The following SMC6 variants were observed in gnomAD, a reference collection of about 807,000 sequenced individuals.
SMC6 encodes the protein structural maintenance of chromosomes protein 6.
In SMC6, 79 loss-of-function variants were observed where a neutral mutation model predicts 142.2. That is an observed-to-expected ratio of 0.56 (90% CI 0.46 to 0.67). SMC6 has a LOEUF of 0.67. Among genes scored for constraint, SMC6 ranks in the 30% least tolerant of loss-of-function variants. The pLI is 0.00. For synonymous variants in SMC6, 411 were observed against 412.4 expected, an observed-to-expected ratio of 1.00 and a Z score of 0.04; for missense variants, 1,072 against 1,284.0, an observed-to-expected ratio of 0.83 and a Z score of 2.52.
At chr2:17,735,124 A>T (rs1015411545) in intron 5 of SMC6, among the ~76,000 whole-genome samples, 1 of 152,310 alleles carries the variant, frequency 6.6e-6, no homozygotes, top group Non-Finnish European at 1.5e-5. Context: ...ACAAACAAAA[A>T]AAAAACCACT....
chr2:17,703,195 G>A lies in SMC6; in HGVS notation c.2104C>T (p.Leu702Phe). The change falls in exon 19 of 28, where the codon CTT becomes TTT. Residue 702 changes from leucine to phenylalanine, a missense_variant. By Grantham distance (22) the Leu-to-Phe change is conservative (BLOSUM62 0). Transcript: ENST00000448223. ...LEKDIKHNEE[L>F]LKRCQLHYKE... is the part of the protein sequence containing the mutation. ...TAATGTAGTTGGCACCTTTTAAGAA[G>A]TTCCTCATTGTGTTTAATATCTTTT... 6.5e-7 allele frequency: 1 copy of A among 1,540,792 alleles called. No homozygotes were observed. Among genetic ancestry groups the A allele is most frequent in the Non-Finnish European group, 8.9e-7 (1 of 1,122,344 alleles).
intron 25 of SMC6, among the ~76,000 whole-genome samples, chr2:17,676,926 A>G (rs138941215): frequency 1.7e-3 from 260 of 152,264 alleles, no homozygotes; most frequent in African/African-American, 4.4e-3. Flanking sequence ...GACTTCAACT[A>G]GTTCTAGTAG....
intron 24 of SMC6, 107 bp downstream of exon 24, chr2:17,683,531 C>T: frequency 9.7e-7 from 1 of 1,035,044 alleles, no homozygotes; most frequent in Non-Finnish European, 1.4e-6. Context: ...AACTGAATAA[C>T]AAAGCAAGCA....
At chr2:17,682,883 CT>C (rs11300528) in intron 24 of SMC6, among the ~76,000 whole-genome samples, 71,129 of 147,826 alleles carry the variant, frequency 0.48, 18,470 homozygotes, top group African/African-American at 0.67. Context: ...AGCTAGGTAC[CT>C]TTTTTTTTTT....
At chr2:17,719,608 G>T (rs1669271647) in intron 11 of SMC6, among the ~76,000 whole-genome samples, 1 of 152,150 alleles carries the variant, frequency 6.6e-6, no homozygotes, top group Admixed American at 6.6e-5. Context: ...GCTTGAGGAG[G>T]AAAGTATTTA....
rs555795348 is a variant in SMC6 at position 17,717,721 on chromosome 2, C to T, written c.1092+356G>A. On this transcript the variant is annotated intron_variant, in intron 12 of 27. Transcript: ENST00000448223. ...AAGAGGCTGGGTGCAGAGGTTCACA[C>T]ATGTAATCCCAGCACTTTGGGAGGC... 3.4e-4 allele frequency among the ~76,000 whole-genome samples: 51 copies of T among 151,670 alleles called. 1 individual carries two copies. The South Asian group carries it at 8.9e-3, about 27-fold the overall frequency.
chr2:17,730,979 C>T lies in SMC6; in HGVS notation c.543+99G>A, dbSNP rs1158975406. On this transcript the variant is annotated intron_variant, in intron 7 of 27. Coordinates refer to ENST00000448223, the MANE Select transcript of SMC6 (RefSeq NM_001142286.2). ...ACATATGCTTCCTGTGGTCAGTTTACTCATATGAGGCCATTTAAATTTTTT... is the reference window on the plus strand; with the variant it reads ...ACATATGCTTCCTGTGGTCAGTTTATTCATATGAGGCCATTTAAATTTTTT... The T allele has an allele frequency of 9.4e-6, 8 of 846,666 alleles. No homozygotes were observed. In the East Asian group the frequency reaches 2.0e-4, roughly 21 times the overall value. The allele number at this position is 846,666 out of a possible 1,614,324, so 52.4% of individuals were successfully genotyped here. A position where few individuals can be genotyped will look rare whatever the true frequency, so the allele number is the denominator to read the frequency against.
intron 16 of SMC6, chr2:17,713,358 G>C: frequency 2.5e-6 from 1 of 392,910 alleles, no homozygotes; most frequent in Non-Finnish European, 5.2e-6. Flanking sequence ...AACTCCTGAG[G>C]CCCTTGTTCT....
intron 17 of SMC6, 74 bp from the exon 18 acceptor site, chr2:17,707,453 T>C: frequency 1.2e-6 from 1 of 867,948 alleles, no homozygotes; most frequent in African/African-American, 1.8e-5. Context: ...TTCAAAATGT[T>C]ACTCGTCCTT....
At chr2:17,692,657 T>C (rs906638887) in intron 23 of SMC6, among the ~76,000 whole-genome samples, 1 of 152,212 alleles carries the variant, frequency 6.6e-6, no homozygotes, top group Non-Finnish European at 1.5e-5. Context: ...AAGGACTTCA[T>C]GTCTAAAACA....
intron 7 of SMC6, among the ~76,000 whole-genome samples, chr2:17,727,961 G>A (rs1324848583): frequency 6.6e-6 from 1 of 152,074 alleles, no homozygotes; most frequent in Admixed American, 6.6e-5. Flanking sequence ...AGCCCCCCCA[G>A]CTCTTCATTT....
At chr2:17,688,215 G>C (rs1667546999) in intron 23 of SMC6, among the ~76,000 whole-genome samples, 1 of 151,772 alleles carries the variant, frequency 6.6e-6, no homozygotes, top group Non-Finnish European at 1.5e-5. Context: ...CTTAAAAAAA[G>C]GAACCAGGGC....
chr2:17,687,661 G>A (rs1202033908), intron 23 of SMC6, among the ~76,000 whole-genome samples: 1 of 152,176 alleles, frequency 6.6e-6, no homozygotes, highest in African/African-American at 2.4e-5. Flanking sequence ...TGGTGTGGAA[G>A]GGATGAAAGA....
In SMC6 at chr2:17,714,963, C is replaced by T. The variant is rs1669006968; in HGVS notation, c.1628G>A (p.Arg543Lys). ...AYCCHNHADERVLQALMKRFY... is the reference protein window; with the variant it reads ...AYCCHNHADEKVLQALMKRFY... ...CCTTTTCATGAGTGCCTGAAGGACC[C>T]TTTCATCAGCATGATTATGGCAACA... The change falls in exon 16 of 28, where the codon AGG (arginine) becomes AAG (lysine). Residue 543 changes from arginine (R) to lysine (K), a missense_variant. Coordinates refer to ENST00000448223, the MANE Select transcript of SMC6 (RefSeq NM_001142286.2). 1.2e-6 allele frequency: 2 copies of T among 1,613,918 alleles called. No individual in the cohort carries two copies. The highest frequency in any genetic ancestry group is 2.7e-5 in the African/African-American group (2 of 74,910).
intron 23 of SMC6, among the ~76,000 whole-genome samples, chr2:17,687,662 G>C (rs1667521282): frequency 6.6e-6 from 1 of 152,142 alleles, no homozygotes; most frequent in Admixed American, 6.5e-5. Flanking sequence ...GGTGTGGAAG[G>C]GATGAAAGAG....
At chr2:17,683,992 T>TA (rs1667340123) in intron 23 of SMC6, among the ~76,000 whole-genome samples, 2 of 152,090 alleles carry the variant, frequency 1.3e-5, no homozygotes, top group South Asian at 4.1e-4. Context: ...GTCCAAGCCC[T>TA]AGAGGAGGCA....
intron 2 of SMC6, 183 bp from the exon 3 acceptor site, chr2:17,746,134 C>A: frequency 1.9e-6 from 1 of 538,332 alleles, no homozygotes. Flanking sequence ...TCAAAAAATG[C>A]TGGAAAAGGC....
intron 9 of SMC6, 87 bp from the exon 10 acceptor site, chr2:17,721,348 C>G (rs1356726327): frequency 7.8e-7 from 1 of 1,282,290 alleles, no homozygotes; most frequent in African/African-American, 1.5e-5. Context: ...AAAAACAATG[C>G]CTAAACAAGT....
chr2:17,694,011 A>AG (rs1442594082), intron 23 of SMC6, among the ~76,000 whole-genome samples: 1 of 147,260 alleles, frequency 6.8e-6, no homozygotes, highest in East Asian at 1.9e-4. Flanking sequence ...AAAAAAAAAA[A>AG]AAAAAAAAAA....
Sources: allele counts gnomAD v4.1 joint callset (sites outside exome capture counted in the v4.1 genomes callset), GRCh38; gene constraint gnomAD v4.1.1; transcripts MANE v1.5; gene names NCBI Gene and HGNC (gene_info 2026-07-23, HGNC 2026-07-21).